Variants in KIAA1328 observed in about 807,000 individuals in gnomAD.
KIAA1328 encodes the protein protein hinderin.
Under a neutral mutation model 68.1 loss-of-function variants are expected in KIAA1328, and 52 were observed. The observed-to-expected ratio is 0.76, with a 90% confidence interval of 0.61 to 0.96. The LOEUF is 0.96. KIAA1328 is among the 40% of genes least tolerant of loss of function. The probability of loss-of-function intolerance (pLI) is 0.00; values close to 1 mark genes in which losing one functional copy is unlikely to be tolerated. For missense variants in KIAA1328, 641 were observed against 677.6 expected, an observed-to-expected ratio of 0.95 and a Z score of 0.60; for synonymous variants, 232 against 239.4, an observed-to-expected ratio of 0.97 and a Z score of 0.28.
intron 5 of KIAA1328, among the ~76,000 whole-genome samples, chr18:36,922,521 G>T (rs1284336683): frequency 6.6e-6 from 1 of 152,100 alleles, no homozygotes; most frequent in Non-Finnish European, 1.5e-5. Context: ...TTCAGTTATT[G>T]AAAAGTTTGT....
chr18:37,104,612 A>G (rs1157921440), intron 7 of KIAA1328, among the ~76,000 whole-genome samples: 1 of 152,206 alleles, frequency 6.6e-6, no homozygotes, highest in Non-Finnish European at 1.5e-5. Flanking sequence ...ATGGTTAACA[A>G]TAATTTATAT....
chr18:37,014,545 C>A (rs2054085018), intron 6 of KIAA1328, among the ~76,000 whole-genome samples: 1 of 152,174 alleles, frequency 6.6e-6, no homozygotes, highest in Non-Finnish European at 1.5e-5. Flanking sequence ...TGCAGTTCCT[C>A]AGGCTGTACA....
chr18:36,982,590 A>T (rs976759123), intron 6 of KIAA1328, among the ~76,000 whole-genome samples: 1 of 152,056 alleles, frequency 6.6e-6, no homozygotes, highest in African/African-American at 2.4e-5. Flanking sequence ...GACATATAGA[A>T]GCAGAAAAAC....
chr18:37,027,132 A>G (rs1172871422), intron 6 of KIAA1328, among the ~76,000 whole-genome samples: 1 of 152,234 alleles, frequency 6.6e-6, no homozygotes, highest in Non-Finnish European at 1.5e-5. Context: ...CTTCAAAGAG[A>G]ATAAAATACC....
At position 37,182,454 on chromosome 18, in the gene KIAA1328, AT is replaced by A. The variant is rs552510620; in HGVS notation, c.1523+9374del. Among the ~76,000 whole-genome samples, 41 of 152,252 alleles carry A rather than the reference AT, an allele frequency of 2.7e-4. No homozygotes were observed. The East Asian group carries it at 5.8e-3, about 22-fold the overall frequency. On this transcript the variant is annotated intron_variant, in intron 9 of 9. Transcript: ENST00000280020. ...TAATCTATAAAATGGGAGTAATAAT[AT>A]CTCCCTCATAGGTATGTCATGATGA... is the stretch of plus-strand genomic sequence containing the variant.
At chr18:36,943,551 T>A (rs2050786748) in intron 5 of KIAA1328, among the ~76,000 whole-genome samples, 1 of 152,240 alleles carries the variant, frequency 6.6e-6, no homozygotes, top group Non-Finnish European at 1.5e-5. Context: ...ATCAGTGTTT[T>A]TAACCAGAGT....
chr18:36,872,101 C>G (rs72885298), intron 4 of KIAA1328, among the ~76,000 whole-genome samples: 20,278 of 152,092 alleles, frequency 0.13, 1,735 homozygotes, highest in Non-Finnish European at 0.18. Flanking sequence ...TTCAGGAAGA[C>G]GAGCAACATA....
intron 7 of KIAA1328, among the ~76,000 whole-genome samples, chr18:37,069,431 C>T (rs2056454539): frequency 6.6e-6 from 1 of 151,912 alleles, no homozygotes; most frequent in Admixed American, 6.6e-5. Context: ...GGCCTATTTA[C>T]ATTAGTTTTG....
At chr18:37,081,581 T>G (rs1388905580) in intron 7 of KIAA1328, among the ~76,000 whole-genome samples, 1 of 152,224 alleles carries the variant, frequency 6.6e-6, no homozygotes, top group Non-Finnish European at 1.5e-5. Flanking sequence ...TTGTGCCACT[T>G]CTGAATTTTA....
chr18:37,227,551 T>C (rs527248219), downstream of KIAA1328, among the ~76,000 whole-genome samples: 1 of 152,356 alleles, frequency 6.6e-6, no homozygotes, highest in South Asian at 2.1e-4. Flanking sequence ...AAATCTACTC[T>C]GCCCATGCTC....
intron 7 of KIAA1328, among the ~76,000 whole-genome samples, chr18:37,090,183 CATT>C (rs2057228431): frequency 6.6e-6 from 1 of 152,152 alleles, no homozygotes; most frequent in Non-Finnish European, 1.5e-5. Context: ...TTCACTTTCT[CATT>C]ATCTCATTTA....
At chr18:37,208,324 T>C (rs2060254637) in intron 9 of KIAA1328, among the ~76,000 whole-genome samples, 1 of 152,140 alleles carries the variant, frequency 6.6e-6, no homozygotes, top group African/African-American at 2.4e-5. Context: ...AGAAGAGATG[T>C]AGTTTTAATT....
At chr18:37,072,943 A>G (rs1304229828) in intron 7 of KIAA1328, among the ~76,000 whole-genome samples, 2 of 152,186 alleles carry the variant, frequency 1.3e-5, no homozygotes, top group African/African-American at 2.4e-5. Context: ...TGCAAAGGAC[A>G]TGATCTCTGG....
At chr18:36,991,888 C>G (rs2053193245) in intron 6 of KIAA1328, among the ~76,000 whole-genome samples, 1 of 152,172 alleles carries the variant, frequency 6.6e-6, no homozygotes, top group Admixed American at 6.5e-5. Flanking sequence ...GGGAATGTAT[C>G]TGTGGGTTAA....
In KIAA1328 at chr18:37,097,666, G is replaced by T. The variant is rs187516702; in HGVS notation, c.1232+30121G>T. Among the ~76,000 whole-genome samples the T allele has an allele frequency of 2.7e-4, 41 of 152,336 alleles. No homozygotes were observed. The South Asian group carries it at 2.7e-3, about 10-fold the overall frequency. On this transcript the variant is annotated intron_variant, in intron 7 of 9. Transcript: ENST00000280020. ...TTGAATCTATAAATTACCTTGGGCAGTGTGGCCATTTTCACAATATTGATT... is the reference window on the plus strand; with the variant it reads ...TTGAATCTATAAATTACCTTGGGCATTGTGGCCATTTTCACAATATTGATT...
At chr18:37,174,893 G>A (rs1392455311) in intron 9 of KIAA1328, among the ~76,000 whole-genome samples, 4 of 152,062 alleles carry the variant, frequency 2.6e-5, no homozygotes. Flanking sequence ...GGATGGTCTC[G>A]ATCTCTTGCC....
At chr18:37,010,646 A>T (rs1271772250) in intron 6 of KIAA1328, among the ~76,000 whole-genome samples, 1 of 152,074 alleles carries the variant, frequency 6.6e-6, no homozygotes, top group African/African-American at 2.4e-5. Context: ...AGGGAAGGTG[A>T]TGGAGATAAG....
chr18:37,104,271 C>A (rs756333758), intron 7 of KIAA1328, among the ~76,000 whole-genome samples: 3 of 152,114 alleles, frequency 2.0e-5, no homozygotes, highest in Non-Finnish European at 2.9e-5. Context: ...CAACCTGTGT[C>A]CATCATCATA....
chr18:37,055,016 C>G (rs1423354779), intron 6 of KIAA1328, among the ~76,000 whole-genome samples: 1 of 152,108 alleles, frequency 6.6e-6, no homozygotes, highest in Non-Finnish European at 1.5e-5. Flanking sequence ...ACTTTAATGT[C>G]TCTCAGATTC....
Sources: allele counts gnomAD v4.1 joint callset (sites outside exome capture counted in the v4.1 genomes callset), GRCh38; gene constraint gnomAD v4.1.1; transcripts MANE v1.5; gene names NCBI Gene and HGNC (gene_info 2026-07-23, HGNC 2026-07-21).